Variants in ELAC1 observed in about 807,000 individuals in gnomAD.
ELAC1 encodes the protein zinc phosphodiesterase ELAC protein 1.
Under a neutral mutation model 25.8 loss-of-function variants are expected in ELAC1, and 19 were observed. The ratio of observed to expected loss-of-function variants is 0.74; its 90% confidence interval spans 0.51 to 1.08. The LOEUF is 1.08. Ranked by LOEUF, ELAC1 falls within the 50% of genes least tolerant of loss-of-function variation. The pLI, the probability that ELAC1 is intolerant of heterozygous loss-of-function variation, is 0.00. For missense variants in ELAC1, 403 were observed against 434.6 expected (o/e 0.93, Z 0.65); for synonymous variants, 148 against 160.9 (o/e 0.92, Z 0.61).
chr18:50,987,017 G>C lies in ELAC1; in HGVS notation c.1024G>C (p.Val342Leu). 6.2e-7 allele frequency: 1 copy of C among 1,605,118 alleles called. No homozygotes were observed. The highest frequency in any genetic ancestry group is 1.7e-5 in the Admixed American group (1 of 57,646). The change falls in exon 4 of 4, where the codon GTG becomes CTG. Residue 342 changes from valine (V) to leucine (L), a missense_variant. Transcript: ENST00000269466. ...AGAACTAAAAAAGCAAGCTGAATCA[G>C]TGTTAGATCTCCAAGAAGTGACTCT... ...IAELKKQAES[V>L]LDLQEVTLAE...
At chr18:50,970,984 A>G (rs968626730) in intron 1 of ELAC1, among the ~76,000 whole-genome samples, 3 of 152,152 alleles carry the variant, frequency 2.0e-5, no homozygotes, top group Admixed American at 6.6e-5. Flanking sequence ...TCCCTCCACA[A>G]CAGTAGTTAC....
chr18:50,973,468 A>G (rs769452408), intron 1 of ELAC1, among the ~76,000 whole-genome samples: 1 of 152,210 alleles, frequency 6.6e-6, no homozygotes, highest in African/African-American at 2.4e-5. Context: ...GCAGAGTCCC[A>G]AGTCCTCGTG....
chr18:50,972,041 G>A (rs1185665548), intron 1 of ELAC1, among the ~76,000 whole-genome samples: 3 of 137,942 alleles, frequency 2.2e-5, no homozygotes, highest in Non-Finnish European at 4.7e-5. Context: ...GTCATAAGGG[G>A]GTCCAAACTT....
At chr18:50,985,543 A>ATCTCCAGTG (rs1157453413) in intron 3 of ELAC1, among the ~76,000 whole-genome samples, 33 of 152,372 alleles carry the variant, frequency 2.2e-4, no homozygotes, top group African/African-American at 7.9e-4. Context: ...GGTACATTAT[A>ATCTCCAGTG]TCTCCAGTGT....
At chr18:50,981,843 C>CTTTTT (rs750956755) in intron 2 of ELAC1, among the ~76,000 whole-genome samples, 3 of 117,860 alleles carry the variant, frequency 2.5e-5, no homozygotes, top group African/African-American at 6.4e-5. Context: ...TGCTATAGTT[C>CTTTTT]TTTTTTTTTT....
chr18:50,984,878 G>A (rs867373529), intron 3 of ELAC1: 16 of 446,090 alleles, frequency 3.6e-5, no homozygotes, highest in African/African-American at 2.6e-4. Context: ...GCTGCAGTAA[G>A]CCAAGATAGT....
intron 1 of ELAC1, among the ~76,000 whole-genome samples, chr18:50,972,155 A>G (rs1599143846): frequency 6.6e-6 from 1 of 150,658 alleles, no homozygotes; most frequent in Non-Finnish European, 1.5e-5. Context: ...TCTGGATTTT[A>G]TGTCTTGCCA....
chr18:50,968,137 G>C (rs1907549569), intron 1 of ELAC1, 23 bp downstream of exon 1: 1 of 152,194 alleles, frequency 6.6e-6, no homozygotes, highest in African/African-American at 2.4e-5. Context: ...GGGCATACCA[G>C]AGGGGGGCGG....
rs1429688048 is a variant in ELAC1, at chr18:50,974,382, A to G, written c.-8-15A>G. On this transcript the variant is annotated splice_polypyrimidine_tract_variant and intron_variant, in intron 1 of 3. Transcript: ENST00000269466. ...AGTGATATGAAATAATCCCCAGATG[A>G]TCTTTCTGTTGCAGGGTGGAAGATG... The G allele has an allele frequency of 6.6e-7, 1 of 1,510,264 alleles. No individual in the cohort carries two copies. Among genetic ancestry groups the G allele is most frequent in the Non-Finnish European group, 8.8e-7 (1 of 1,131,634 alleles). 93.6% of individuals were successfully genotyped at this position (1,510,264 alleles called of 1,614,324 possible).
intron 1 of ELAC1, among the ~76,000 whole-genome samples, chr18:50,972,586 A>G (rs1599144074): frequency 6.6e-6 from 1 of 152,164 alleles, no homozygotes; most frequent in South Asian, 2.1e-4. Flanking sequence ...GGTTCAAGCA[A>G]TTCTGCTGCC....
intron 1 of ELAC1, among the ~76,000 whole-genome samples, chr18:50,971,808 T>G (rs1437850091): frequency 6.7e-6 from 1 of 150,334 alleles, no homozygotes; most frequent in Non-Finnish European, 1.5e-5. Context: ...ACCCTTTTCA[T>G]GCTTATAGGC....
intron 2 of ELAC1, among the ~76,000 whole-genome samples, chr18:50,983,196 C>G (rs577583021): frequency 1.0e-5 from 1 of 99,806 alleles, no homozygotes; most frequent in Non-Finnish European, 1.8e-5. Flanking sequence ...CAGTTTCGCT[C>G]TTGTTGCCCA....
At chr18:50,981,446 C>G (rs1907947766) in intron 2 of ELAC1, among the ~76,000 whole-genome samples, 1 of 152,004 alleles carries the variant, frequency 6.6e-6, no homozygotes, top group Non-Finnish European at 1.5e-5. Flanking sequence ...TTTCCAAATC[C>G]AGTCAATATA....
chr18:50,980,765 A>G (rs1286197721), intron 2 of ELAC1, among the ~76,000 whole-genome samples: 1 of 147,806 alleles, frequency 6.8e-6, no homozygotes, highest in East Asian at 2.0e-4. Flanking sequence ...TCCATCTCGA[A>G]AAAAAAAAAA....
intron 3 of ELAC1, among the ~76,000 whole-genome samples, chr18:50,986,055 G>A (rs910988498): frequency 3.0e-5 from 3 of 99,000 alleles, no homozygotes; most frequent in Non-Finnish European, 5.5e-5. Flanking sequence ...TCACTCTGTT[G>A]TCCAGGCTGG....
At chr18:50,971,728 C>A (rs950810958) in intron 1 of ELAC1, among the ~76,000 whole-genome samples, 1 of 151,740 alleles carries the variant, frequency 6.6e-6, no homozygotes, top group African/African-American at 2.4e-5. Context: ...CACTAACTAC[C>A]TGGAGACTGA....
chr18:50,978,386 G>A (rs545483855), intron 2 of ELAC1, among the ~76,000 whole-genome samples: 3 of 152,306 alleles, frequency 2.0e-5, no homozygotes, highest in South Asian at 2.1e-4. Flanking sequence ...GCAAGGCTGG[G>A]GAGGCCCCAC....
At chr18:50,970,758 A>G (rs1007854140) in intron 1 of ELAC1, among the ~76,000 whole-genome samples, 3 of 152,066 alleles carry the variant, frequency 2.0e-5, no homozygotes, top group African/African-American at 7.2e-5. Flanking sequence ...AATGCCACTC[A>G]TTGAAACATA....
At position 50,986,699 on chromosome 18, in the gene ELAC1, C is replaced by T. The variant is rs1908116403; in HGVS notation, c.706C>T (p.Gln236Ter). Residue 236 changes from glutamine to a stop codon, truncating the protein, a stop_gained, in exon 4 of 4, where the codon CAA becomes TAA. Coordinates refer to ENST00000269466, the MANE Select transcript of ELAC1 (RefSeq NM_018696.3). LOFTEE classifies it high-confidence loss of function. ...VLENGVTISP[Q>*]DVLKKPIVGR... ...GGAAAATGGGGTTACAATTTCTCCCCAAGATGTCTTAAAAAAGCCTATTGT... is the reference window on the plus strand; with the variant it reads ...GGAAAATGGGGTTACAATTTCTCCCTAAGATGTCTTAAAAAAGCCTATTGT... The T allele has an allele frequency of 6.2e-7, 1 of 1,614,104 alleles. No individual in the cohort carries two copies. The highest frequency in any genetic ancestry group is 2.2e-5 in the East Asian group (1 of 44,878).
Sources: allele counts gnomAD v4.1 joint callset (sites outside exome capture counted in the v4.1 genomes callset), GRCh38; gene constraint gnomAD v4.1.1; transcripts MANE v1.5; gene names NCBI Gene and HGNC (gene_info 2026-07-23, HGNC 2026-07-21).